PCDHA12: variants seen among roughly 807,000 people sequenced by gnomAD.
The protein encoded by PCDHA12 is protocadherin alpha-12.
PCDHA12 carries 44 observed loss-of-function variants against 60.0 expected under a neutral mutation model. The ratio of observed to expected loss-of-function variants is 0.73; its 90% CI spans 0.58 to 0.94. PCDHA12 has a LOEUF of 0.94. Ranked by LOEUF, PCDHA12 falls within the 40% of genes least tolerant of loss-of-function variation. PCDHA12 has a pLI of 0.00. For missense variants in PCDHA12, 1,276 were observed against 1,239.7 expected, an observed-to-expected ratio of 1.03 and a Z score of -0.44; for synonymous variants, 569 against 553.0, an observed-to-expected ratio of 1.03 and a Z score of -0.40.
chr5:140,980,714 G>A (rs958793243), intron 2 of PCDHA12, among the ~76,000 whole-genome samples: 7 of 151,264 alleles, frequency 4.6e-5, no homozygotes, highest in African/African-American at 9.7e-5. Context: ...GCTCCTATTC[G>A]GGTTTCAATT....
chr5:140,943,129 G>T (rs2093422146), intron 1 of PCDHA12, among the ~76,000 whole-genome samples: 1 of 151,684 alleles, frequency 6.6e-6, no homozygotes, highest in South Asian at 2.1e-4. Flanking sequence ...GTGGTAGTGG[G>T]TGCCTGTAGT....
intron 1 of PCDHA12, chr5:140,882,727 A>G (rs1554175345): frequency 6.2e-7 from 1 of 1,614,250 alleles, no homozygotes. Context: ...CTCGATTTCC[A>G]CTAGATGGCG....
intron 1 of PCDHA12, among the ~76,000 whole-genome samples, chr5:140,975,632 A>G (rs1554236932): frequency 1.3e-5 from 2 of 152,216 alleles, no homozygotes; most frequent in African/African-American, 4.8e-5. Context: ...CATGGTACGA[A>G]GATAGCATAT....
chr5:140,944,334 C>T (rs547924304), intron 1 of PCDHA12, among the ~76,000 whole-genome samples: 131 of 152,138 alleles, frequency 8.6e-4, no homozygotes, highest in African/African-American at 3.0e-3. Flanking sequence ...ATTACAAGCA[C>T]GTGCCACCAC....
intron 1 of PCDHA12, among the ~76,000 whole-genome samples, chr5:140,912,283 A>G (rs1442282452): frequency 6.6e-6 from 1 of 152,104 alleles, no homozygotes; most frequent in Non-Finnish European, 1.5e-5. Flanking sequence ...ACCCAGGAAC[A>G]ATACTTTGCC....
chr5:140,875,925 T>C lies in PCDHA12; in HGVS notation c.453T>C (p.His151=). 2 of 1,614,142 alleles carry C rather than the reference T, an allele frequency of 1.2e-6. No homozygotes were observed. Residue 151 remains histidine (H), a synonymous_variant, in exon 1 of 4, where the codon CAT becomes CAC. Coordinates refer to ENST00000398631, the MANE Select transcript of PCDHA12 (RefSeq NM_018903.4). The part of the protein sequence containing the change: ...PVSESAPLDS[H]FPLEGASDAD... ...CTGAATCTGCGCCTCTGGACTCTCA[T>C]TTTCCTCTAGAGGGCGCTTCTGATG... is the stretch of plus-strand genomic sequence containing the variant.
intron 1 of PCDHA12, among the ~76,000 whole-genome samples, chr5:140,977,853 C>T (rs2096777992): frequency 6.6e-6 from 1 of 152,212 alleles, no homozygotes; most frequent in Admixed American, 6.5e-5. Context: ...GGCTTTGTTT[C>T]TACCAAATAT....
chr5:140,898,263 C>T lies in PCDHA12; in HGVS notation c.2367+20424C>T, dbSNP rs1420763503. The stretch of plus-strand genomic sequence containing the variant: ...GGTGTTTTAGACATGAAGTCCTTGC[C>T]CATGCCTAAGTTCTGAATGGTAATG... On this transcript the variant is annotated intron_variant, in intron 1 of 3. Transcript: ENST00000398631. 2.0e-5 allele frequency among the ~76,000 whole-genome samples: 3 copies of T among 152,270 alleles called. No individual in the cohort carries two copies. In the East Asian group the frequency reaches 5.8e-4, roughly 29 times the overall value.
chr5:140,931,907 G>A (rs573618162), intron 1 of PCDHA12, among the ~76,000 whole-genome samples: 107 of 151,900 alleles, frequency 7.0e-4, no homozygotes, highest in Middle Eastern at 3.5e-3. Context: ...CATTTGAAAA[G>A]CATGACATTT....
At chr5:140,906,926 T>C (rs1217312413) in intron 1 of PCDHA12, among the ~76,000 whole-genome samples, 1 of 152,194 alleles carries the variant, frequency 6.6e-6, no homozygotes, top group Non-Finnish European at 1.5e-5. Flanking sequence ...CCAAAAAGTG[T>C]CCCGGTGTCA....
Position 140,939,111 on chromosome 5 carries a change from T to G in PCDHA12, c.2368-39838T>G, listed in dbSNP as rs141486595. Reference sequence around the variant, plus strand: ...CTTAAAAACAATAGAAATTTATTTTTCACAATTCTGGAAGCTGGAAAGTTG... The same window carrying G: ...CTTAAAAACAATAGAAATTTATTTTGCACAATTCTGGAAGCTGGAAAGTTG... On this transcript the variant is annotated intron_variant, in intron 1 of 3. Coordinates refer to ENST00000398631, the MANE Select transcript of PCDHA12 (RefSeq NM_018903.4). Among the ~76,000 whole-genome samples, 62 of 152,324 alleles carry G rather than the reference T, an allele frequency of 4.1e-4. No homozygotes were observed. The East Asian group carries it at 0.01, about 25-fold the overall frequency.
At chr5:140,967,780 T>C in intron 1 of PCDHA12, 1 of 1,614,214 alleles carries the variant, frequency 6.2e-7, no homozygotes, top group Non-Finnish European at 8.5e-7. Context: ...TGCAGGCGAC[T>C]GACCGGGGTC....
chr5:140,885,391 T>G, intron 1 of PCDHA12, among the ~76,000 whole-genome samples: 1 of 152,112 alleles, frequency 6.6e-6, no homozygotes, highest in East Asian at 1.9e-4. Context: ...TCCCTGCAAA[T>G]CTAATGGTTT....
intron 1 of PCDHA12, among the ~76,000 whole-genome samples, chr5:140,887,995 G>A (rs537858803): frequency 8.5e-5 from 13 of 152,066 alleles, no homozygotes; most frequent in South Asian, 6.2e-4. Context: ...TGTCTCCACC[G>A]AATAGTCATC....
In PCDHA12 at chr5:140,927,196, G is replaced by A. The variant is rs781932405; in HGVS notation, c.2367+49357G>A. On this transcript the variant is annotated intron_variant, in intron 1 of 3. Coordinates refer to ENST00000398631, the MANE Select transcript of PCDHA12 (RefSeq NM_018903.4). ...CGTCTTGACCTACGACCTGGTGCTC[G>A]AGGACCCGCTGGAGCTGCACAAGAT... The A allele has an allele frequency of 5.6e-6, 9 of 1,614,028 alleles. No homozygotes were observed. In the South Asian group the frequency reaches 7.7e-5, roughly 14 times the overall value.
At chr5:140,972,228 C>G (rs1295473743) in intron 1 of PCDHA12, among the ~76,000 whole-genome samples, 1 of 151,964 alleles carries the variant, frequency 6.6e-6, no homozygotes, top group Admixed American at 6.5e-5. Flanking sequence ...CAGCCTCGAC[C>G]TTCTGGGCTC....
intron 1 of PCDHA12, among the ~76,000 whole-genome samples, chr5:140,898,461 G>T (rs1393934497): frequency 4.6e-5 from 7 of 152,102 alleles, no homozygotes; most frequent in Non-Finnish European, 8.8e-5. Flanking sequence ...TTTCCCCATT[G>T]CTTGTTTTTC....
intron 1 of PCDHA12, chr5:140,967,425 C>A (rs1218574888): frequency 1.2e-6 from 2 of 1,613,178 alleles, no homozygotes; most frequent in Non-Finnish European, 1.7e-6. Context: ...CGGGAGCAGG[C>A]AGCCTTGCAC....
intron 1 of PCDHA12, among the ~76,000 whole-genome samples, chr5:140,878,322 T>C (rs2057540228): frequency 6.6e-6 from 1 of 152,228 alleles, no homozygotes; most frequent in Non-Finnish European, 1.5e-5. Context: ...CATTTTCACA[T>C]TATATTCCAG....
Sources: gnomAD v4.1 joint callset for allele counts (sites outside exome capture counted in the v4.1 genomes callset) on GRCh38, gnomAD v4.1.1 for gene constraint, MANE v1.5 for transcripts, NCBI Gene and HGNC (gene_info 2026-07-23, HGNC 2026-07-21) for gene names.